The following TLN1 variants were observed in gnomAD, a reference collection of about 807,000 sequenced individuals.
The protein encoded by TLN1 is talin-1.
Under a neutral mutation model 292.3 loss-of-function variants are expected in TLN1, and 56 were observed. That is an observed-to-expected ratio of 0.19 (90% CI 0.15 to 0.24). The LOEUF (loss-of-function observed/expected upper bound fraction) is 0.24, where lower values mean the gene tolerates loss of function less well. TLN1 is among the 10% of genes least tolerant of loss of function. The pLI, the probability that TLN1 is intolerant of heterozygous loss-of-function variation, is 1.00. For synonymous variants in TLN1, 1,119 were observed against 1,253.7 expected (o/e 0.89, Z 2.27); for missense variants, 2,433 against 3,248.2 (o/e 0.75, Z 6.10).
rs768662984 is a variant in TLN1 at position 35,714,390 on chromosome 9, A to G, written c.2986-17T>C. On this transcript the variant is annotated splice_polypyrimidine_tract_variant and intron_variant, in intron 23 of 56. Coordinates refer to ENST00000314888, the MANE Select transcript of TLN1 (RefSeq NM_006289.4). The surrounding 1 kb of genome is among the most constrained non-coding windows in gnomAD (Gnocchi z 4.6). ...CCCACCTGGCTGTTGGGGAATAGGC[A>G]GGTGGATGAAGTGTGCCATCCTCCC... 4 of 1,600,172 alleles carry G rather than the reference A, an allele frequency of 2.5e-6. No homozygotes were observed. The Admixed American group carries it at 6.7e-5, about 27-fold the overall frequency.
Position 35,714,947 on chromosome 9 carries a change from C to T in TLN1, c.2755-71G>A, listed in dbSNP as rs1432800263. 4 of 1,607,754 alleles carry T rather than the reference C, an allele frequency of 2.5e-6. No individual in the cohort carries two copies. Among genetic ancestry groups the T allele is most frequent in the African/African-American group, 2.7e-5 (2 of 74,876 alleles). ...CCAGCCCAGTCCCTGGCCTACCTTG[C>T]CCAGGTTATGCCTCAAGGACGTATT... On this transcript the variant is annotated intron_variant, in intron 21 of 56. Coordinates refer to ENST00000314888, the MANE Select transcript of TLN1 (RefSeq NM_006289.4). The surrounding 1 kb of genome is among the most constrained non-coding windows in gnomAD (Gnocchi z 4.6).
At position 35,711,590 on chromosome 9, in the gene TLN1, C is replaced by A; in HGVS notation, c.3879+5G>T. The A allele has an allele frequency of 6.2e-7, 1 of 1,613,540 alleles. No individual in the cohort carries two copies. Among genetic ancestry groups the A allele is most frequent in the Non-Finnish European group, 8.5e-7 (1 of 1,180,038 alleles). ...CATTCAACCAGACCCTCTGCCTCTT[C>A]ATACCGGAGCCTGGCCTGCCATCTC... On this transcript the variant is annotated splice_donor_5th_base_variant and intron_variant, in intron 29 of 56. Coordinates refer to ENST00000314888, the MANE Select transcript of TLN1 (RefSeq NM_006289.4).
intron 30 of TLN1, 62 bp from the exon 31 acceptor site, chr9:35,711,144 A>G: frequency 6.2e-7 from 1 of 1,610,512 alleles, no homozygotes; most frequent in Non-Finnish European, 8.5e-7. Context: ...GTCCTATGTA[A>G]GTATTTATCT....
Position 35,699,070 on chromosome 9 carries a change from T to C in TLN1, c.6961A>G (p.Lys2321Glu). 2 of 1,613,964 alleles carry C rather than the reference T, an allele frequency of 1.2e-6. No homozygotes were observed. Among genetic ancestry groups the C allele is most frequent in the Non-Finnish European group, 1.7e-6 (2 of 1,179,898 alleles). The change falls in exon 52 of 57, where the codon AAA (lysine) becomes GAA (glutamate). Residue 2321 changes from lysine (K) to glutamate (E), a missense_variant. Physicochemically the swap from Lys to Glu is moderately conservative, Grantham distance 56. Coordinates refer to ENST00000314888, the MANE Select transcript of TLN1 (RefSeq NM_006289.4). This position sits in a 1 kb window ranked among gnomAD's most constrained non-coding sequence, Gnocchi z 4.0. ...CGGGGCTTCAGCTGCTCTAGCTTTT[T>C]GGCTGCAGCCTCAATGGCGGCTGCA... is the stretch of plus-strand genomic sequence containing the variant. ...GAAAAIEAAAKKLEQLKPRAK... is the reference protein window; with the variant it reads ...GAAAAIEAAAEKLEQLKPRAK...
In TLN1 at chr9:35,706,105, C is replaced by G. The variant is rs754790750; in HGVS notation, c.5368G>C (p.Ala1790Pro). The change falls in exon 41 of 57, where the codon GCT becomes CCT. Residue 1790 changes from alanine (A) to proline (P), a missense_variant. Coordinates refer to ENST00000314888, the MANE Select transcript of TLN1 (RefSeq NM_006289.4). This position sits in a 1 kb window ranked among gnomAD's most constrained non-coding sequence, Gnocchi z 4.2. ...TCCTCCAGGGCTTCCTGGGTGTGAGCTGCTTGCTGTGGGGAGAGGAGAGGA... is the reference window on the plus strand; with the variant it reads ...TCCTCCAGGGCTTCCTGGGTGTGAGGTGCTTGCTGTGGGGAGAGGAGAGGA... ...KEAGGNPKQA[A>P]HTQEALEEAV... 25 of 1,613,984 alleles carry G rather than the reference C, an allele frequency of 1.5e-5. No individual in the cohort carries two copies. The highest frequency in any genetic ancestry group is 2.1e-5 in the Non-Finnish European group (25 of 1,180,004).
chr9:35,731,512 CG>C (rs1826078891), intron 1 of TLN1, among the ~76,000 whole-genome samples: 1 of 151,976 alleles, frequency 6.6e-6, no homozygotes, highest in African/African-American at 2.4e-5. Context: ...TCCTTAACAC[CG>C]ACCATGCCAA....
At chr9:35,727,875 G>A (rs925455574) in intron 1 of TLN1, among the ~76,000 whole-genome samples, 1 of 152,172 alleles carries the variant, frequency 6.6e-6, no homozygotes, top group African/African-American at 2.4e-5. Flanking sequence ...CTCCCCAGCT[G>A]GTCCAGAGTG....
chr9:35,727,636 A>T (rs1826000558), intron 1 of TLN1, among the ~76,000 whole-genome samples: 1 of 152,094 alleles, frequency 6.6e-6, no homozygotes, highest in Non-Finnish European at 1.5e-5. Flanking sequence ...AGCTGGACAG[A>T]CCTGGCTATG....
Position 35,714,163 on chromosome 9 carries a change from T to G in TLN1, c.3120+76A>C. On this transcript the variant is annotated intron_variant, in intron 24 of 56. Transcript: ENST00000314888. The surrounding 1 kb of genome is among the most constrained non-coding windows in gnomAD (Gnocchi z 4.6). Reference sequence around the variant, plus strand: ...TCTGATTACACAATTATCTGCGTATTGGGTTATTCTGCACAGATTTCCTCT... The same window carrying G: ...TCTGATTACACAATTATCTGCGTATGGGGTTATTCTGCACAGATTTCCTCT... The G allele has an allele frequency of 6.2e-7, 1 of 1,600,276 alleles. No homozygotes were observed. Among genetic ancestry groups the G allele is most frequent in the Non-Finnish European group, 8.5e-7 (1 of 1,169,802 alleles).
intron 7 of TLN1, 51 bp from the exon 8 acceptor site, chr9:35,722,972 T>A: frequency 6.4e-7 from 1 of 1,561,770 alleles, no homozygotes. Context: ...TCAGGGGACA[T>A]GTGGGCCATG....
chr9:35,707,431 G>A lies in TLN1; in HGVS notation c.4690C>T (p.Pro1564Ser). The change falls in exon 36 of 57, where the codon CCT becomes TCT. Residue 1564 changes from proline to serine, a missense_variant. Transcript: ENST00000314888. The surrounding 1 kb of genome is among the most constrained non-coding windows in gnomAD (Gnocchi z 5.6). ...AGATTGTCCACAGCCTCCAGCAGAG[G>A]GGCTGTTGCTGCTCGGCACTGGGCA... is the stretch of plus-strand genomic sequence containing the variant. ...NRAQCRAATAPLLEAVDNLSA... is the reference protein window; with the variant it reads ...NRAQCRAATASLLEAVDNLSA... The A allele has an allele frequency of 1.9e-6, 3 of 1,614,172 alleles. No individual in the cohort carries two copies. The highest frequency in any genetic ancestry group is 1.1e-5 in the South Asian group (1 of 91,086).
chr9:35,700,366 GA>G lies in TLN1; in HGVS notation c.6484del (p.Ser2162ProfsTer17). 1 of 1,598,796 alleles carries G rather than the reference GA, an allele frequency of 6.3e-7. No homozygotes were observed. The highest frequency in any genetic ancestry group is 8.6e-7 in the Non-Finnish European group (1 of 1,167,500). On this transcript the variant is annotated frameshift_variant, in exon 49 of 57. Transcript: ENST00000314888. LOFTEE classifies it high-confidence loss of function. The part of the protein sequence containing the change: ...HIRQELAVFC[S>X]PEPPAKTSTP... ...AGAGGTCTTGGCAGGTGGCTCTGGG[GA>G]ACAGAAAACCTGTGGGGGCAGAAGA...
intron 25 of TLN1, 45 bp from the exon 26 acceptor site, chr9:35,713,343 G>A: frequency 6.7e-7 from 1 of 1,490,976 alleles, no homozygotes; most frequent in Non-Finnish European, 9.2e-7. Context: ...AGGAGAAGGT[G>A]AGGAGAAGGA....
rs1825561733 is a variant in TLN1 at position 35,706,149 on chromosome 9, C to T, written c.5362-38G>A. On this transcript the variant is annotated intron_variant, in intron 40 of 56. Transcript: ENST00000314888. This position sits in a 1 kb window ranked among gnomAD's most constrained non-coding sequence, Gnocchi z 4.2. ...GAGAGGAGCTCTGTTGTTCCTGTTT[C>T]TCCAGCCTCCTGCTAGTAACAGCTC... 1 of 1,612,572 alleles carries T rather than the reference C, an allele frequency of 6.2e-7. No individual in the cohort carries two copies. The highest frequency in any genetic ancestry group is 8.5e-7 in the Non-Finnish European group (1 of 1,179,068).
rs763689960 is a variant in TLN1 at position 35,730,862 on chromosome 9, T to C, written c.-34+1213A>G. Among the ~76,000 whole-genome samples the C allele has an allele frequency of 2.6e-5, 4 of 152,244 alleles. No homozygotes were observed. The South Asian group carries it at 6.2e-4, about 24-fold the overall frequency. On this transcript the variant is annotated intron_variant, in intron 1 of 56. Transcript: ENST00000314888. ...GGGATTCAGTTATTCCCTTCTCCCATGGCAACAGTGATTCCTTGGTTAGCT... is the reference window on the plus strand; with the variant it reads ...GGGATTCAGTTATTCCCTTCTCCCACGGCAACAGTGATTCCTTGGTTAGCT...
intron 48 of TLN1, among the ~76,000 whole-genome samples, chr9:35,702,902 A>G (rs745312393): frequency 6.6e-6 from 1 of 152,246 alleles, no homozygotes; most frequent in Non-Finnish European, 1.5e-5. Flanking sequence ...TGGCCACTGA[A>G]TGTAGCAACT....
rs72727051 is a variant in TLN1 at position 35,720,798 on chromosome 9, C to T, written c.1206+14G>A. On this transcript the variant is annotated intron_variant, in intron 11 of 56. Coordinates refer to ENST00000314888, the MANE Select transcript of TLN1 (RefSeq NM_006289.4). ...AGAGGCGATAAGGAGAAGGCTAGGG[C>T]AGGCAGTGCTCACCTTCTTCAGGAT... The T allele has an allele frequency of 4.2e-3, 6,747 of 1,611,456 alleles. 36 individuals are homozygous for T. The highest frequency in any genetic ancestry group is 5.8e-3 in the Middle Eastern group (35 of 6,022).
intron 1 of TLN1, among the ~76,000 whole-genome samples, chr9:35,728,393 G>A (rs1465021775): frequency 1.3e-5 from 2 of 152,136 alleles, no homozygotes; most frequent in Non-Finnish European, 2.9e-5. Context: ...GCTGGCAGTG[G>A]GGGAGGGCTG....
rs913173171 is a variant in TLN1 at position 35,711,522 on chromosome 9, G to A, written c.3879+73C>T. 8.1e-6 allele frequency: 13 copies of A among 1,608,984 alleles called. No homozygotes were observed. The African/African-American group carries it at 1.5e-4, about 18-fold the overall frequency. ...GGGAAGGGAGCCAGGAGCAAGTCAG[G>A]ACTGGTCACTCAACTGCCTCCTATC... On this transcript the variant is annotated intron_variant, in intron 29 of 56. Coordinates refer to ENST00000314888, the MANE Select transcript of TLN1 (RefSeq NM_006289.4).
Sources: allele counts gnomAD v4.1 joint callset (sites outside exome capture counted in the v4.1 genomes callset), GRCh38; gene constraint gnomAD v4.1.1; non-coding constraint Gnocchi (gnomAD v3.1); transcripts MANE v1.5; gene names NCBI Gene and HGNC (gene_info 2026-07-23, HGNC 2026-07-21).